The following TENM3 variants were observed in gnomAD, a reference collection of about 807,000 sequenced individuals.
TENM3 encodes teneurin-3.
A neutral mutation model predicts 255.1 loss-of-function variants in TENM3; 63 were observed. The ratio of observed to expected loss-of-function variants is 0.25; its 90% CI spans 0.20 to 0.30. The LOEUF is 0.30. TENM3 is among the 10% of genes least tolerant of loss of function. TENM3 has a pLI of 1.00. For synonymous variants in TENM3, 1,306 were observed against 1,322.3 expected, an observed-to-expected ratio of 0.99 and a Z score of 0.27; for missense variants, 2,929 against 3,461.1, an observed-to-expected ratio of 0.85 and a Z score of 3.86.
intron 12 of TENM3, among the ~76,000 whole-genome samples, chr4:182,709,358 A>T (rs889064737): frequency 6.6e-6 from 1 of 152,208 alleles, no homozygotes; most frequent in Non-Finnish European, 1.5e-5. Context: ...ATCGTATAAA[A>T]CAAATTTCAA....
chr4:181,846,518 A>AT, the TENM3 span, among the ~76,000 whole-genome samples: 1 of 152,128 alleles, frequency 6.6e-6, no homozygotes, highest in Admixed American at 6.6e-5. Context: ...TTTTGGTTCA[A>AT]TTTTTTGAAG....
chr4:181,577,146 T>C, the TENM3 span, among the ~76,000 whole-genome samples: 2 of 134,938 alleles, frequency 1.5e-5, no homozygotes, highest in Admixed American at 8.3e-5. Flanking sequence ...TAATATATAA[T>C]TAATATATAT....
chr4:181,672,503 C>G, the TENM3 span, among the ~76,000 whole-genome samples: 4 of 152,058 alleles, frequency 2.6e-5, no homozygotes, highest in Non-Finnish European at 5.9e-5. Context: ...CCTGAAAATC[C>G]TTGGAACGGC....
chr4:182,431,011 C>CTAAATAAA (rs60841901), intron 3 of TENM3, among the ~76,000 whole-genome samples: 15 of 148,192 alleles, frequency 1.0e-4, no homozygotes, highest in Non-Finnish European at 2.1e-4. Flanking sequence ...GACTCCATCT[C>CTAAATAAA]TAAATAAATA....
the TENM3 span, among the ~76,000 whole-genome samples, chr4:181,939,817 G>A: frequency 6.6e-6 from 1 of 152,150 alleles, no homozygotes; most frequent in Admixed American, 6.5e-5. Flanking sequence ...GAATCTTTTA[G>A]GGCCTTGGTT....
Position 182,184,198 on chromosome 4 carries a change from T to C in TENM3, c.-76+39444T>C, listed in dbSNP as rs1022085828. ...TTTTTAAGCAGGCTGTACTAGAAGA[T>C]TATTACAAATTCATTCCCAGTAGAT... On this transcript the variant is annotated intron_variant, in intron 1 of 2. Transcript: ENST00000512480. Among the ~76,000 whole-genome samples, 17 of 152,204 alleles carry C rather than the reference T, an allele frequency of 1.1e-4. 1 individual carries two copies. Among genetic ancestry groups the C allele is most frequent in the Admixed American group, 9.8e-4 (15 of 15,282 alleles).
At chr4:181,710,447 G>A in the TENM3 span, among the ~76,000 whole-genome samples, 1 of 152,124 alleles carries the variant, frequency 6.6e-6, no homozygotes, top group East Asian at 1.9e-4. Context: ...GCTGGGCACG[G>A]TGGCTCACAC....
the TENM3 span, among the ~76,000 whole-genome samples, chr4:182,105,854 T>A: frequency 6.6e-6 from 1 of 152,326 alleles, no homozygotes; most frequent in East Asian, 1.9e-4. Context: ...GGGAATGGGA[T>A]GATGAGGAAT....
At chr4:182,433,472 A>C (rs1279383889) in intron 3 of TENM3, among the ~76,000 whole-genome samples, 2 of 152,194 alleles carry the variant, frequency 1.3e-5, no homozygotes, top group African/African-American at 4.8e-5. Context: ...TGAAAGTCAG[A>C]GACAAAGAAA....
intron 19 of TENM3, chr4:182,744,082 A>G (rs1761810547): frequency 1.1e-6 from 1 of 881,038 alleles, no homozygotes; most frequent in African/African-American, 1.9e-5. Flanking sequence ...AGGCTTTTCT[A>G]ACTGTGCTTT....
chr4:182,101,095 G>GAAA, the TENM3 span, among the ~76,000 whole-genome samples: 3 of 63,366 alleles, frequency 4.7e-5, no homozygotes, highest in African/African-American at 1.9e-4. Context: ...AGGGAGGGAG[G>GAAA]GAGGGAGGGA....
chr4:182,061,831 G>A, the TENM3 span, among the ~76,000 whole-genome samples: 20 of 152,054 alleles, frequency 1.3e-4, no homozygotes, highest in African/African-American at 1.4e-4. Flanking sequence ...TGTTGGTGTC[G>A]TGCGCTTTGT....
chr4:182,284,713 G>A lies in TENM3; in HGVS notation c.-75-39233G>A, dbSNP rs542311269. On this transcript the variant is annotated intron_variant, in intron 1 of 27. Transcript: ENST00000511685. The stretch of plus-strand genomic sequence containing the variant: ...CCAGTAGTTGGGAAGGGAAAAAAAA[G>A]TGACCTTGTACTCTCAACATTGTCT... Among the ~76,000 whole-genome samples, 31 of 152,298 alleles carry A rather than the reference G, an allele frequency of 2.0e-4. No individual in the cohort carries two copies. The East Asian group carries it at 5.8e-3, about 28-fold the overall frequency.
chr4:181,599,814 A>G, the TENM3 span, among the ~76,000 whole-genome samples: 12 of 152,294 alleles, frequency 7.9e-5, no homozygotes, highest in Admixed American at 5.2e-4. Flanking sequence ...TTACTCATCT[A>G]TGACCTTCTT....
chr4:181,669,407 A>G, the TENM3 span, among the ~76,000 whole-genome samples: 1 of 152,198 alleles, frequency 6.6e-6, no homozygotes, highest in African/African-American at 2.4e-5. Context: ...TCCAGAGACC[A>G]TGTACTCCTA....
chr4:181,623,644 CAT>C, the TENM3 span, among the ~76,000 whole-genome samples: 1 of 152,326 alleles, frequency 6.6e-6, no homozygotes, highest in African/African-American at 2.4e-5. Flanking sequence ...GTCACCATCT[CAT>C]GTGTAGGAGC....
chr4:182,521,443 T>C (rs1458670099), intron 3 of TENM3, among the ~76,000 whole-genome samples: 1 of 152,210 alleles, frequency 6.6e-6, no homozygotes, highest in Non-Finnish European at 1.5e-5. Context: ...GGAACAATGC[T>C]TTTTCATACT....
chr4:182,128,165 G>A, the TENM3 span, among the ~76,000 whole-genome samples: 2 of 151,524 alleles, frequency 1.3e-5, no homozygotes, highest in Non-Finnish European at 2.9e-5. Flanking sequence ...AAAATCTGTG[G>A]AAAAAAACGC....
the TENM3 span, among the ~76,000 whole-genome samples, chr4:182,132,585 A>G: frequency 6.6e-6 from 1 of 152,240 alleles, no homozygotes; most frequent in African/African-American, 2.4e-5. Flanking sequence ...AACAGGACCT[A>G]AAGTTTTGTC....
Sources: gnomAD v4.1 joint callset for allele counts (sites outside exome capture counted in the v4.1 genomes callset) on GRCh38, gnomAD v4.1.1 for gene constraint, MANE v1.5 for transcripts, NCBI Gene and HGNC (gene_info 2026-07-23, HGNC 2026-07-21) for gene names.